CCDC88B: variants seen among roughly 807,000 people sequenced by gnomAD.
CCDC88B encodes the protein coiled-coil and HOOK domain protein 88B, also known as coiled-coil domain-containing protein 88B.
CCDC88B carries 138 observed loss-of-function variants against 183.7 expected under a neutral mutation model. That is an observed-to-expected ratio of 0.75 (90% CI 0.65 to 0.87). The LOEUF (loss-of-function observed/expected upper bound fraction) is 0.87, where lower values mean the gene tolerates loss of function less well. Among genes scored for constraint, CCDC88B ranks in the 40% least tolerant of loss-of-function variants. CCDC88B has a pLI of 0.00. For synonymous variants in CCDC88B, 835 were observed against 867.5 expected (o/e 0.96, Z 0.66); for missense variants, 1,822 against 1,965.6 (o/e 0.93, Z 1.38).
chr11:64,346,913 G>A (rs1726765755), intron 14 of CCDC88B, among the ~76,000 whole-genome samples: 1 of 151,872 alleles, frequency 6.6e-6, no homozygotes, highest in Non-Finnish European at 1.5e-5. Context: ...TCCTGCCTCA[G>A]CCTCTCGTGT....
intron 7 of CCDC88B, 85 bp downstream of exon 7, chr11:64,341,827 TG>T (rs2135303664): frequency 4.9e-6 from 7 of 1,439,472 alleles, no homozygotes; most frequent in Middle Eastern, 2.1e-4. Context: ...GATGGAAGTT[TG>T]GGGCCCAGGC....
At chr11:64,342,163 G>C in intron 8 of CCDC88B, 24 bp downstream of exon 8, 1 of 1,603,334 alleles carries the variant, frequency 6.2e-7, no homozygotes, top group Non-Finnish European at 8.5e-7. Context: ...GCCTGGGAAG[G>C]GGACTGAGTG....
rs1419517495 is a variant in CCDC88B at position 64,344,516 on chromosome 11, C to T, written c.1975C>T (p.Gln659Ter). Residue 659 changes from glutamine (Q) to a stop codon, truncating the protein, a stop_gained, in exon 14 of 27, where the codon CAG (glutamine) becomes TAG (stop). Transcript: ENST00000356786. LOFTEE classifies it high-confidence loss of function. This position sits in a 1 kb window ranked among gnomAD's most constrained non-coding sequence, Gnocchi z 4.5. ...KPGPSEPSSV[Q>*]LEEQEGPNQG... is the part of the protein sequence containing the mutation. ...AGGGCCTTCGGAGCCCAGCTCTGTG[C>T]AGCTGGAGGAGCAGGAGGGCCCAAA... 1 of 1,607,420 alleles carries T rather than the reference C, an allele frequency of 6.2e-7. No individual in the cohort carries two copies. The highest frequency in any genetic ancestry group is 2.2e-5 in the East Asian group (1 of 44,592).
intron 7 of CCDC88B, 72 bp from the exon 8 acceptor site, chr11:64,341,922 G>C: frequency 1.2e-6 from 1 of 829,714 alleles, no homozygotes; most frequent in Non-Finnish European, 1.7e-6. Context: ...CCCATGTCTG[G>C]TGTTGTGGTT....
chr11:64,347,338 G>A (rs1183306572), intron 14 of CCDC88B, among the ~76,000 whole-genome samples: 2 of 152,248 alleles, frequency 1.3e-5, no homozygotes, highest in Non-Finnish European at 2.9e-5. Flanking sequence ...GAAAAGGCGC[G>A]AGGAAGGGTG....
rs551927551 is a variant in CCDC88B, at chr11:64,353,633, C to T, written c.3834-82C>T. 135 of 1,582,374 alleles carry T rather than the reference C, an allele frequency of 8.5e-5. 1 individual carries two copies. In the South Asian group the frequency reaches 1.4e-3, roughly 16 times the overall value. ...TCCAATCTGCGGCACGGGACCAGTG[C>T]GTCCTCGCTGCAGCTTGTGCCTTGC... On this transcript the variant is annotated intron_variant, in intron 22 of 26. Coordinates refer to ENST00000356786, the MANE Select transcript of CCDC88B (RefSeq NM_032251.6).
chr11:64,343,887 G>C lies in CCDC88B; in HGVS notation c.1428G>C (p.Gln476His), dbSNP rs767161607. ...RENRELRGLL[Q>H]VLQGQPGGQH... ...ACCGGGAGCTTCGGGGGCTGCTTCA[G>C]GTGCTTCAGGGGCAGCCAGGGGGCC... The change falls in exon 13 of 27, where the codon CAG becomes CAC. Residue 476 changes from glutamine (Q) to histidine (H), a missense_variant. By Grantham distance (24) the Gln-to-His change is conservative. Transcript: ENST00000356786. 1.9e-6 allele frequency: 3 copies of C among 1,605,502 alleles called. No homozygotes were observed. The highest frequency in any genetic ancestry group is 2.6e-6 in the Non-Finnish European group (3 of 1,176,286).
In CCDC88B at chr11:64,351,131, G is replaced by A. The variant is rs374768393; in HGVS notation, c.2863-29G>A. ...ATCCCCAAGGCACTGCGGCTGTCCC[G>A]CATGACCTCCCAGGGACTCTCCTTG... On this transcript the variant is annotated intron_variant, in intron 16 of 26. Coordinates refer to ENST00000356786, the MANE Select transcript of CCDC88B (RefSeq NM_032251.6). 3.9e-5 allele frequency: 57 copies of A among 1,444,264 alleles called. No homozygotes were observed. In the East Asian group the frequency reaches 1.4e-3, roughly 35 times the overall value. The allele number at this position is 1,444,264 out of a possible 1,614,324, so 89.5% of individuals were successfully genotyped here.
At position 64,353,232 on chromosome 11, in the gene CCDC88B, C is replaced by T. The variant is rs1173276872; in HGVS notation, c.3679C>T (p.Gln1227Ter). ...CCTGAGCGCCTGCCGGCTGACCACG[C>T]AGTGTGAGGTGTGGCTGGAGGGCCG... ...LDLSACRLTT[Q>*]CELLTQLRSA... Residue 1227 changes from glutamine (Q) to a stop codon, truncating the protein, a stop_gained, in exon 21 of 27, where the codon CAG (glutamine) becomes TAG (stop). Transcript: ENST00000356786. LOFTEE classifies it high-confidence loss of function. 1.3e-6 allele frequency: 2 copies of T among 1,565,374 alleles called. No homozygotes were observed. The highest frequency in any genetic ancestry group is 1.7e-6 in the Non-Finnish European group (2 of 1,154,538).
Position 64,352,357 on chromosome 11 carries a change from G to A in CCDC88B, c.3327G>A (p.Leu1109=), listed in dbSNP as rs1394130598. The change falls in exon 19 of 27, where the codon CTG becomes CTA. Residue 1109 remains leucine (L), a synonymous_variant. Transcript: ENST00000356786. ...HRDLKANMRA[L]ELAHRELQGR... is the part of the protein sequence containing the mutation. ...ACCTCAAGGCCAACATGCGGGCACTGGAGCTGGCCCACCGGGAGCTGCAGG... is the reference window on the plus strand; with the variant it reads ...ACCTCAAGGCCAACATGCGGGCACTAGAGCTGGCCCACCGGGAGCTGCAGG... The A allele has an allele frequency of 5.2e-6, 8 of 1,543,288 alleles. No homozygotes were observed. The highest frequency in any genetic ancestry group is 3.9e-5 in the Admixed American group (2 of 50,770).
At chr11:64,349,809 T>A in intron 16 of CCDC88B, 141 bp downstream of exon 16, 1 of 792,074 alleles carries the variant, frequency 1.3e-6, no homozygotes, top group Non-Finnish European at 2.1e-6. Context: ...GTGGGGCCTG[T>A]TGGAGAGAGC....
intron 14 of CCDC88B, chr11:64,349,038 C>CGTGG (rs1565052221): frequency 1.4e-6 from 1 of 717,444 alleles, no homozygotes; most frequent in Non-Finnish European, 2.6e-6. Flanking sequence ...CATGAAGAAC[C>CGTGG]GTGGGCTCAG....
At position 64,353,623 on chromosome 11, in the gene CCDC88B, G is replaced by C. The variant is rs1027214463; in HGVS notation, c.3834-92G>C. On this transcript the variant is annotated intron_variant, in intron 22 of 26. Transcript: ENST00000356786. ...TCCAGGTCAGTCCAATCTGCGGCACGGGACCAGTGCGTCCTCGCTGCAGCT... is the reference window on the plus strand; with the variant it reads ...TCCAGGTCAGTCCAATCTGCGGCACCGGACCAGTGCGTCCTCGCTGCAGCT... The C allele has an allele frequency of 5.1e-6, 8 of 1,578,396 alleles. No homozygotes were observed. The East Asian group carries it at 9.0e-5, about 18-fold the overall frequency.
At chr11:64,351,871 C>T (rs1339726561) in intron 18 of CCDC88B, among the ~76,000 whole-genome samples, 1 of 152,088 alleles carries the variant, frequency 6.6e-6, no homozygotes, top group Non-Finnish European at 1.5e-5. Context: ...GCCCTCCCCT[C>T]CACAGGGCGC....
Position 64,344,259 on chromosome 11 carries a change from A to T in CCDC88B, c.1718A>T (p.Asp573Val), listed in dbSNP as rs1177991081. 1 of 1,613,656 alleles carries T rather than the reference A, an allele frequency of 6.2e-7. No homozygotes were observed. Among genetic ancestry groups the T allele is most frequent in the East Asian group, 2.2e-5 (1 of 44,866 alleles). The part of the protein sequence containing the change: ...QAAAMDPQAS[D>V]WSPQESGSPV... ...GCTGCCATGGACCCCCAGGCCTCAGACTGGTCCCCGCAAGAGTCAGGCTCT... is the reference window on the plus strand; with the variant it reads ...GCTGCCATGGACCCCCAGGCCTCAGTCTGGTCCCCGCAAGAGTCAGGCTCT... Residue 573 changes from aspartate to valine, a missense_variant, in exon 14 of 27, where the codon GAC becomes GTC. Physicochemically the swap from Asp to Val is radical, Grantham distance 152. Coordinates refer to ENST00000356786, the MANE Select transcript of CCDC88B (RefSeq NM_032251.6). The surrounding 1 kb of genome is among the most constrained non-coding windows in gnomAD (Gnocchi z 4.5).
At chr11:64,354,629 C>T (rs2036469448) in intron 24 of CCDC88B, among the ~76,000 whole-genome samples, 2 of 150,966 alleles carry the variant, frequency 1.3e-5, no homozygotes, top group East Asian at 3.9e-4. Flanking sequence ...CAGCTTCACC[C>T]ACTGGCCCCT....
At chr11:64,349,221 G>A (rs2036230742) in intron 14 of CCDC88B, 110 bp from the exon 15 acceptor site, 11 of 1,282,048 alleles carry the variant, frequency 8.6e-6, no homozygotes, top group Admixed American at 4.9e-5. Flanking sequence ...TTAATGATAC[G>A]TGCCCAGGAT....
At position 64,355,221 on chromosome 11, in the gene CCDC88B, G is replaced by A. The variant is rs200714193; in HGVS notation, c.4127G>A (p.Arg1376Gln). ...TGSPSPAPMR[R>Q]AQSSLCLRDE... The stretch of plus-strand genomic sequence containing the variant: ...TCCCCTTCCCCGGCACCCATGCGCC[G>A]GGCCCAGAGCTCCCTCTGCCTGCGG... Residue 1376 changes from arginine (R) to glutamine (Q), a missense_variant, in exon 25 of 27, where the codon CGG becomes CAG. Coordinates refer to ENST00000356786, the MANE Select transcript of CCDC88B (RefSeq NM_032251.6). 79 of 1,499,518 alleles carry A rather than the reference G, an allele frequency of 5.3e-5. No individual in the cohort carries two copies. Among genetic ancestry groups the A allele is most frequent in the African/African-American group, 8.5e-5 (6 of 70,620 alleles). The allele number at this position is 1,499,518 out of a possible 1,614,324, so 92.9% of individuals were successfully genotyped here.
chr11:64,356,907 G>A, intron 26 of CCDC88B, 132 bp from the exon 27 acceptor site: 1 of 814,072 alleles, frequency 1.2e-6, no homozygotes, highest in East Asian at 2.5e-5. Flanking sequence ...GGGAACAGCA[G>A]GCGTGGTGCA....
Sources: gnomAD v4.1 joint callset for allele counts (sites outside exome capture counted in the v4.1 genomes callset) on GRCh38, gnomAD v4.1.1 for gene constraint, Gnocchi (gnomAD v3.1) non-coding constraint, MANE v1.5 for transcripts, NCBI Gene and HGNC (gene_info 2026-07-23, HGNC 2026-07-21) for gene names.